The following NYNRIN variants were observed in gnomAD, a reference collection of about 807,000 sequenced individuals.
The protein encoded by NYNRIN is NYN domain and retroviral integrase containing, also known as protein NYNRIN.
NYNRIN carries 86 observed loss-of-function variants against 146.6 expected under a neutral mutation model. That is an observed-to-expected ratio of 0.59 (90% confidence interval 0.49 to 0.70). The LOEUF (loss-of-function observed/expected upper bound fraction) is 0.70, where lower values mean the gene tolerates loss of function less well. NYNRIN is among the 30% of genes least tolerant of loss of function. The pLI, the probability that NYNRIN is intolerant of heterozygous loss-of-function variation, is 0.00. For missense variants in NYNRIN, 2,191 were observed against 2,377.7 expected, an observed-to-expected ratio of 0.92 and a Z score of 1.63; for synonymous variants, 1,027 against 1,001.3, an observed-to-expected ratio of 1.03 and a Z score of -0.48.
intron 2 of NYNRIN, 47 bp downstream of exon 2, chr14:24,399,491 C>A: frequency 6.7e-7 from 1 of 1,494,712 alleles, no homozygotes; most frequent in Non-Finnish European, 9.1e-7. Context: ...AGCCAGATCA[C>A]TCTCTCCCCT....
At chr14:24,406,987 C>T (rs1035840804) in intron 2 of NYNRIN, among the ~76,000 whole-genome samples, 11 of 152,198 alleles carry the variant, frequency 7.2e-5, no homozygotes, top group African/African-American at 2.7e-4. Context: ...TGTGTATGTG[C>T]GGGTGCAGGG....
intron 2 of NYNRIN, among the ~76,000 whole-genome samples, chr14:24,402,441 T>C (rs1488933534): frequency 1.3e-5 from 2 of 152,096 alleles, no homozygotes; most frequent in East Asian, 3.9e-4. Flanking sequence ...GCAGTGGTGG[T>C]GGGCAAGAGT....
At position 24,408,802 on chromosome 14, in the gene NYNRIN, T is replaced by C. The variant is rs963811644; in HGVS notation, c.1008T>C (p.Pro336=). ...QKIEDKLLFQ[P]PVSALGVCPP... ...TAGAAGATAAACTCCTCTTCCAACC[T>C]CCAGTATCAGCCCTGGGTGTGTGCC... The change falls in exon 4 of 9, where the codon CCT becomes CCC. Residue 336 remains proline (P), a synonymous_variant. Coordinates refer to ENST00000382554, the MANE Select transcript of NYNRIN (RefSeq NM_025081.3). 4 of 1,613,852 alleles carry C rather than the reference T, an allele frequency of 2.5e-6. No individual in the cohort carries two copies. The African/African-American group carries it at 5.3e-5, about 22-fold the overall frequency.
At chr14:24,407,267 C>T (rs1252095988) in intron 2 of NYNRIN, among the ~76,000 whole-genome samples, 1 of 152,218 alleles carries the variant, frequency 6.6e-6, no homozygotes, top group Non-Finnish European at 1.5e-5. Flanking sequence ...GTGTCATCCT[C>T]AGTACTTTCT....
intron 2 of NYNRIN, among the ~76,000 whole-genome samples, chr14:24,401,430 G>A (rs988041983): frequency 2.7e-5 from 3 of 110,002 alleles, no homozygotes; most frequent in Non-Finnish European, 6.3e-5. Flanking sequence ...GACAGGGAAG[G>A]TGAGGGGCGG....
Position 24,418,779 on chromosome 14 carries a change from A to G in NYNRIN, c.*1333A>G, listed in dbSNP as rs1214491944. ...GCTAGAGCCAGTGGAGAACTTGCCA[A>G]CTTGATTGTTTTACAGCAGAGGAAA... On this transcript the variant is annotated 3_prime_UTR_variant, in exon 9 of 9. Coordinates refer to ENST00000382554, the MANE Select transcript of NYNRIN (RefSeq NM_025081.3). The G allele has an allele frequency of 2.0e-5, 3 of 152,842 alleles. No individual in the cohort carries two copies. In the East Asian group the frequency reaches 5.8e-4, roughly 29 times the overall value. 9.5% of individuals were successfully genotyped at this position (152,842 alleles called of 1,614,324 possible). A position where few individuals can be genotyped will look rare whatever the true frequency, so the allele number is the denominator to read the frequency against.
chr14:24,408,544 G>A lies in NYNRIN; in HGVS notation c.857+17G>A, dbSNP rs775200227. Reference sequence around the variant, plus strand: ...GCTGGTACGGTAAGTTCTGGAGAATGAGCCTGGCTTCTCTGATCCTACCCC... The same window carrying A: ...GCTGGTACGGTAAGTTCTGGAGAATAAGCCTGGCTTCTCTGATCCTACCCC... On this transcript the variant is annotated intron_variant, in intron 3 of 8. Transcript: ENST00000382554. 18 of 1,552,518 alleles carry A rather than the reference G, an allele frequency of 1.2e-5. No individual in the cohort carries two copies. In the Admixed American group the frequency reaches 1.6e-4, roughly 13 times the overall value.
chr14:24,412,994 C>T lies in NYNRIN; in HGVS notation c.2643-3C>T, dbSNP rs1373573705. 1 of 1,586,842 alleles carries T rather than the reference C, an allele frequency of 6.3e-7. No homozygotes were observed. Among genetic ancestry groups the T allele is most frequent in the Non-Finnish European group, 8.6e-7 (1 of 1,165,010 alleles). On this transcript the variant is annotated splice_polypyrimidine_tract_variant and splice_region_variant and intron_variant, in intron 6 of 8. Transcript: ENST00000382554. Reference sequence around the variant, plus strand: ...TCATTAGTGACTTCCCCTCTCCCTGCAGGTTCATGGTAAAGCTGGCAGAGG... The same window carrying T: ...TCATTAGTGACTTCCCCTCTCCCTGTAGGTTCATGGTAAAGCTGGCAGAGG...
In NYNRIN at chr14:24,415,539, G is replaced by A; in HGVS notation, c.3790G>A (p.Asp1264Asn). 6.2e-7 allele frequency: 1 copy of A among 1,613,874 alleles called. No individual in the cohort carries two copies. The highest frequency in any genetic ancestry group is 1.1e-5 in the South Asian group (1 of 91,080). The change falls in exon 9 of 9, where the codon GAC becomes AAC. Residue 1264 changes from aspartate (D) to asparagine (N), a missense_variant. Physicochemically the swap from Asp to Asn is conservative, Grantham distance 23. Around this residue, in one of 3 missense-constraint regions of NYNRIN, gnomAD observed 1,291 missense variants for 1,417.0 expected, o/e 0.91. Coordinates refer to ENST00000382554, the MANE Select transcript of NYNRIN (RefSeq NM_025081.3). ...GATCCGATGGTCCCTCTTGGTTCAG[G>A]ACAAAGGCAAGAGGGCCCTGGAATT... ...WLIRWSLLVQ[D>N]KGKRALELAL...
rs368644928 is a variant in NYNRIN, at chr14:24,411,105, G to A, written c.2444G>A (p.Arg815Gln). ...GGCCTGCAGCACTTCTTCTCCTGCC[G>A]AGGAATTGCCATGGCAGTGCAGTTT... ...VHGLQHFFSC[R>Q]GIAMAVQFFW... is the part of the protein sequence containing the mutation. Residue 815 changes from arginine (R) to glutamine (Q), a missense_variant, in exon 5 of 9, where the codon CGA (arginine) becomes CAA (glutamine). Arg to Gln is a conservative substitution (Grantham distance 43). Coordinates refer to ENST00000382554, the MANE Select transcript of NYNRIN (RefSeq NM_025081.3). The surrounding 1 kb of genome is among the most constrained non-coding windows in gnomAD (Gnocchi z 4.3). 8.1e-6 allele frequency: 13 copies of A among 1,613,562 alleles called. No homozygotes were observed. Among genetic ancestry groups the A allele is most frequent in the African/African-American group, 2.7e-5 (2 of 74,890 alleles).
Position 24,417,442 on chromosome 14 carries a change from A to T in NYNRIN, c.5693A>T (p.Gln1898Leu). The T allele has an allele frequency of 6.8e-7, 1 of 1,478,264 alleles. No individual in the cohort carries two copies. The highest frequency in any genetic ancestry group is 9.0e-7 in the Non-Finnish European group (1 of 1,113,514). 91.6% of individuals were successfully genotyped at this position (1,478,264 alleles called of 1,614,324 possible). Residue 1898 changes from glutamine to leucine, a missense_variant, in exon 9 of 9, where the codon CAG becomes CTG. By Grantham distance (113) the Gln-to-Leu change is moderately radical. Around this residue, in one of 3 missense-constraint regions of NYNRIN, gnomAD observed 1,291 missense variants for 1,417.0 expected, o/e 0.91. Coordinates refer to ENST00000382554, the MANE Select transcript of NYNRIN (RefSeq NM_025081.3). The stretch of plus-strand genomic sequence containing the variant: ...CCGCTGTCCTTCAAGGTCTTGGAGC[A>T]GTGAGCGGGAGCAGCGGGGGTGCCC... ...GTPLSFKVLE[Q>L]
chr14:24,415,366 G>A lies in NYNRIN; in HGVS notation c.3617G>A (p.Gly1206Asp). ...GAGAGCCAGGGCCCCCAGTCAGGGG[G>A]TGACAGCCCCTATGCTGTGGCCTGG... ...DEESQGPQSG[G>D]DSPYAVAWAL... The change falls in exon 9 of 9, where the codon GGT becomes GAT. Residue 1206 changes from glycine (G) to aspartate (D), a missense_variant. By Grantham distance (94) the Gly-to-Asp change is moderately conservative (BLOSUM62 -1). Around this residue, in one of 3 missense-constraint regions of NYNRIN, gnomAD observed 1,291 missense variants for 1,417.0 expected, o/e 0.91. Transcript: ENST00000382554. 1 of 1,613,994 alleles carries A rather than the reference G, an allele frequency of 6.2e-7. No homozygotes were observed. Among genetic ancestry groups the A allele is most frequent in the African/African-American group, 1.3e-5 (1 of 75,064 alleles).
At chr14:24,412,915 G>A (rs755696241) in intron 6 of NYNRIN, 82 bp from the exon 7 acceptor site, 1 of 896,378 alleles carries the variant, frequency 1.1e-6, no homozygotes, top group Non-Finnish European at 1.8e-6. Context: ...TCAATGTGAA[G>A]CTGCAAGTTT....
At position 24,414,685 on chromosome 14, in the gene NYNRIN, ACT is replaced by A. The variant is rs745951882; in HGVS notation, c.2939_2940del (p.Ser980TrpfsTer22). The A allele has an allele frequency of 1.2e-6, 2 of 1,613,522 alleles. No homozygotes were observed. The highest frequency in any genetic ancestry group is 3.3e-5 in the Admixed American group (2 of 59,976). On this transcript the variant is annotated frameshift_variant, in exon 9 of 9. Transcript: ENST00000382554. LOFTEE classifies it high-confidence loss of function. ...GTCACTGAGCTGAGTGATGACGCTGACTCTGGGCCCCTGGAGAGTCTGCCGAA... is the reference window on the plus strand; with the variant it reads ...GTCACTGAGCTGAGTGATGACGCTGACTGGGCCCCTGGAGAGTCTGCCGAA...
intron 7 of NYNRIN, 86 bp from the exon 8 acceptor site, chr14:24,413,230 C>T (rs758511004): frequency 5.5e-5 from 78 of 1,407,526 alleles, no homozygotes; most frequent in Non-Finnish European, 7.3e-5. Flanking sequence ...ATGTGGGTCT[C>T]AGCGCCATGG....
chr14:24,418,102 CAAG>C lies in NYNRIN; in HGVS notation c.*657_*659del. 2.7e-6 allele frequency: 1 copy of C among 368,016 alleles called. No individual in the cohort carries two copies. The highest frequency in any genetic ancestry group is 5.4e-6 in the Non-Finnish European group (1 of 185,628). 22.8% of individuals were successfully genotyped at this position (368,016 alleles called of 1,614,324 possible). A position where few individuals can be genotyped will look rare whatever the true frequency, so the allele number is the denominator to read the frequency against. ...CTTGGAGTGGGAGGATGGCCAGCCA[CAAG>C]CCACCAGCTTGTCAGCATGGGAAGG... On this transcript the variant is annotated 3_prime_UTR_variant, in exon 9 of 9. Coordinates refer to ENST00000382554, the MANE Select transcript of NYNRIN (RefSeq NM_025081.3).
Position 24,399,083 on chromosome 14 carries a change from C to G in NYNRIN, c.-21C>G, listed in dbSNP as rs528912253. On this transcript the variant is annotated 5_prime_UTR_variant, in exon 1 of 9. Transcript: ENST00000382554. ...CCAGAGGGCGGGCGCCCGAGCCGTG[C>G]GGGGTGGGTCCCGCCGCCTGGAGGA... is the stretch of plus-strand genomic sequence containing the variant. 4.2e-4 allele frequency: 258 copies of G among 619,082 alleles called. No homozygotes were observed. Among genetic ancestry groups the G allele is most frequent in the African/African-American group, 3.9e-3 (199 of 50,410 alleles). 38.3% of individuals were successfully genotyped at this position (619,082 alleles called of 1,614,324 possible). A position where few individuals can be genotyped will look rare whatever the true frequency, so the allele number is the denominator to read the frequency against.
Position 24,399,061 on chromosome 14 carries a change from G to C in NYNRIN, c.-43G>C, listed in dbSNP as rs890027344. ...AGCGGTCGAAGGGGACCAAGCTCCA[G>C]AGGGCGGGCGCCCGAGCCGTGCGGG... is the stretch of plus-strand genomic sequence containing the variant. On this transcript the variant is annotated 5_prime_UTR_variant, in exon 1 of 9. Coordinates refer to ENST00000382554, the MANE Select transcript of NYNRIN (RefSeq NM_025081.3). The C allele has an allele frequency of 3.7e-6, 2 of 542,558 alleles. No individual in the cohort carries two copies. Among genetic ancestry groups the C allele is most frequent in the African/African-American group, 4.1e-5 (2 of 48,958 alleles). The allele number at this position is 542,558 out of a possible 1,614,324, so 33.6% of individuals were successfully genotyped here. A position where few individuals can be genotyped will look rare whatever the true frequency, so the allele number is the denominator to read the frequency against.
At chr14:24,413,290 T>C in intron 7 of NYNRIN, 26 bp from the exon 8 acceptor site, 1 of 1,598,102 alleles carries the variant, frequency 6.3e-7, no homozygotes, top group Non-Finnish European at 8.5e-7. Context: ...TCACAGTGAC[T>C]GTGCCTCTTC....
Sources: allele counts gnomAD v4.1 joint callset (sites outside exome capture counted in the v4.1 genomes callset), GRCh38; gene constraint gnomAD v4.1.1; regional missense constraint gnomAD v4.1.1; non-coding constraint Gnocchi (gnomAD v3.1); transcripts MANE v1.5; gene names NCBI Gene and HGNC (gene_info 2026-07-23, HGNC 2026-07-21).